The following GLYATL2 variants were observed in gnomAD, a reference collection of about 807,000 sequenced individuals.
The protein encoded by GLYATL2 is glycine-N-acyltransferase like 2.
A neutral mutation model predicts 21.4 loss-of-function variants in GLYATL2; 25 were observed. The observed-to-expected ratio is 1.17, with a 90% CI of 0.85 to 1.63. The LOEUF (loss-of-function observed/expected upper bound fraction) is 1.63. GLYATL2 is among the 40% of genes most tolerant of loss of function. The pLI is 0.00. For synonymous variants in GLYATL2, 114 were observed against 118.2 expected, an observed-to-expected ratio of 0.96 and a Z score of 0.23; for missense variants, 361 against 343.3, an observed-to-expected ratio of 1.05 and a Z score of -0.41.
upstream of GLYATL2, among the ~76,000 whole-genome samples, chr11:58,845,890 A>G (rs1398140917): frequency 6.6e-6 from 1 of 152,180 alleles, no homozygotes; most frequent in East Asian, 1.9e-4. Context: ...CAGATGACAT[A>G]TAAAAATTAT....
In GLYATL2 at chr11:58,834,233, A is replaced by G; in HGVS notation, c.*196T>C. The G allele has an allele frequency of 4.7e-6, 2 of 427,648 alleles. No individual in the cohort carries two copies. The highest frequency in any genetic ancestry group is 2.0e-5 in the African/African-American group (1 of 49,046). 26.5% of individuals were successfully genotyped at this position (427,648 alleles called of 1,614,324 possible). On this transcript the variant is annotated 3_prime_UTR_variant, in exon 6 of 6. Coordinates refer to ENST00000287275, the MANE Select transcript of GLYATL2 (RefSeq NM_145016.4). ...GATGTCTGTCATAAAGGAAATTATG[A>G]GACCATAAAATTGAGCTTCTAATTT...
intron 1 of GLYATL2, among the ~76,000 whole-genome samples, chr11:58,863,517 G>C (rs996281211): frequency 6.6e-6 from 1 of 152,200 alleles, no homozygotes; most frequent in Non-Finnish European, 1.5e-5. Flanking sequence ...GGGTTTGCTA[G>C]AGCACAGCTG....
rs546241872 is a variant in GLYATL2 at position 58,898,868 on chromosome 11, C to T, written n.60+5288G>A. Reference sequence around the variant, plus strand: ...AAATAAAATTCTTTCTCCAATATTTCCTGGATGTAAATATGCTACTGATAT... The same window carrying T: ...AAATAAAATTCTTTCTCCAATATTTTCTGGATGTAAATATGCTACTGATAT... On this transcript the variant is annotated intron_variant and non_coding_transcript_variant, in intron 1 of 4. Coordinates refer to the GLYATL2 transcript ENST00000533636. Among the ~76,000 whole-genome samples, 65 of 152,166 alleles carry T rather than the reference C, an allele frequency of 4.3e-4. 1 individual carries two copies. The highest frequency in any genetic ancestry group is 4.2e-3 in the Admixed American group (64 of 15,290).
In GLYATL2 at chr11:58,834,918, C is replaced by T. The variant is rs1157532737; in HGVS notation, c.477-81G>A. On this transcript the variant is annotated intron_variant, in intron 5 of 5. Coordinates refer to ENST00000287275, the MANE Select transcript of GLYATL2 (RefSeq NM_145016.4). ...TTCAAAAAATAAATATAACACCATT[C>T]CTTTCCTTAAGGACCCTACAGCCTG... 3.0e-5 allele frequency: 32 copies of T among 1,083,502 alleles called. No individual in the cohort carries two copies. In the Middle Eastern group the frequency reaches 8.2e-4, roughly 28 times the overall value. The allele number at this position is 1,083,502 out of a possible 1,614,324, so 67.1% of individuals were successfully genotyped here. A position where few individuals can be genotyped will look rare whatever the true frequency, so the allele number is the denominator to read the frequency against.
chr11:58,853,662 G>A (rs190415334), intron 1 of GLYATL2, among the ~76,000 whole-genome samples: 4 of 152,064 alleles, frequency 2.6e-5, no homozygotes, highest in Admixed American at 6.5e-5. Context: ...TTTTTTCGTA[G>A]TGAATACGTT....
intron 1 of GLYATL2, among the ~76,000 whole-genome samples, chr11:58,899,564 G>A (rs185402077): frequency 0.013 from 1,980 of 152,082 alleles, 19 homozygotes; most frequent in Non-Finnish European, 0.021. Flanking sequence ...AAAAGGAGAG[G>A]AAACAGGAAG....
chr11:58,835,995 T>G (rs1266003774), intron 5 of GLYATL2, among the ~76,000 whole-genome samples: 1 of 152,186 alleles, frequency 6.6e-6, no homozygotes, highest in East Asian at 1.9e-4. Flanking sequence ...TTAAATTCTA[T>G]TTATTTTTTC....
chr11:58,883,342 G>T (rs1229177807), intron 1 of GLYATL2, among the ~76,000 whole-genome samples: 6 of 152,084 alleles, frequency 3.9e-5, no homozygotes, highest in African/African-American at 7.2e-5. Context: ...AAGAAGAAAA[G>T]AAAGAAGAAT....
intron 1 of GLYATL2, chr11:58,892,815 G>C: frequency 3.1e-6 from 1 of 320,574 alleles, no homozygotes; most frequent in Non-Finnish European, 6.3e-6. Flanking sequence ...GATGAGATAG[G>C]CCACCCAGAT....
At chr11:58,895,737 C>G (rs1040835675) in intron 1 of GLYATL2, among the ~76,000 whole-genome samples, 1 of 149,356 alleles carries the variant, frequency 6.7e-6, no homozygotes, top group Non-Finnish European at 1.5e-5. Flanking sequence ...CAAAATCAGC[C>G]TGAAAAATCA....
upstream of GLYATL2, chr11:58,844,755 A>G (rs1334660001): frequency 6.6e-6 from 1 of 152,214 alleles, no homozygotes; most frequent in East Asian, 1.9e-4. Flanking sequence ...TGTAGCTGAA[A>G]GGCTATTCTA....
intron 1 of GLYATL2, among the ~76,000 whole-genome samples, chr11:58,873,982 G>C (rs1386977389): frequency 6.6e-6 from 1 of 152,074 alleles, no homozygotes; most frequent in African/African-American, 2.4e-5. Flanking sequence ...TTGGTCTATT[G>C]AGAGATTCAA....
At chr11:58,906,834 C>T (rs1370029448), upstream of GLYATL2, among the ~76,000 whole-genome samples, 1 of 152,154 alleles carries the variant, frequency 6.6e-6, no homozygotes, top group Non-Finnish European at 1.5e-5. Context: ...TCTGTGGCCA[C>T]ATAGACGGTT....
rs143922013 is a variant in GLYATL2 at position 58,868,503 on chromosome 11, C to T, written n.61-30135G>A. 1.6e-3 allele frequency among the ~76,000 whole-genome samples: 237 copies of T among 149,210 alleles called. 6 individuals are homozygous for T. Among genetic ancestry groups the T allele is most frequent in the African/African-American group, 5.1e-3 (210 of 41,396 alleles). ...TCAGGGAGATGGATTTGAGACCGAACTTGCATCTCCTATGCTACAGCATCC... is the reference window on the plus strand; with the variant it reads ...TCAGGGAGATGGATTTGAGACCGAATTTGCATCTCCTATGCTACAGCATCC... On this transcript the variant is annotated intron_variant and non_coding_transcript_variant, in intron 1 of 4. Transcript: ENST00000533636.
chr11:58,895,071 G>A (rs1373383679), intron 1 of GLYATL2, among the ~76,000 whole-genome samples: 1 of 152,114 alleles, frequency 6.6e-6, no homozygotes, highest in Admixed American at 6.5e-5. Context: ...CAGGGTGTGG[G>A]ACTCAGGTCA....
At chr11:58,900,490 C>T (rs1014088692) in intron 1 of GLYATL2, among the ~76,000 whole-genome samples, 3 of 152,214 alleles carry the variant, frequency 2.0e-5, no homozygotes, top group Admixed American at 1.3e-4. Flanking sequence ...CTACTCCCGC[C>T]CGGCAGCTCC....
intron 1 of GLYATL2, among the ~76,000 whole-genome samples, chr11:58,881,537 G>T (rs1034865436): frequency 3.3e-5 from 5 of 152,040 alleles, no homozygotes; most frequent in Admixed American, 3.3e-4. Flanking sequence ...AAGAAAATCT[G>T]TGCCAACTCC....
upstream of GLYATL2, among the ~76,000 whole-genome samples, chr11:58,904,600 C>A (rs1854814421): frequency 6.6e-6 from 1 of 152,204 alleles, no homozygotes; most frequent in Non-Finnish European, 1.5e-5. Context: ...CAGTCATGTG[C>A]ACTGCTTTCA....
chr11:58,881,363 AGTTATT>A (rs879500915), intron 1 of GLYATL2, among the ~76,000 whole-genome samples: 2 of 152,196 alleles, frequency 1.3e-5, no homozygotes, highest in Admixed American at 6.5e-5. Context: ...ACCTTCTCCA[AGTTATT>A]GTTAATAATT....
Sources: gnomAD v4.1 joint callset for allele counts (sites outside exome capture counted in the v4.1 genomes callset) on GRCh38, gnomAD v4.1.1 for gene constraint, MANE v1.5 for transcripts, NCBI Gene and HGNC (gene_info 2026-07-23, HGNC 2026-07-21) for gene names.